WDR97: variants seen among roughly 807,000 people sequenced by gnomAD.
WDR97 encodes the protein WD repeat-containing protein 97.
Under a neutral mutation model 65.4 loss-of-function variants are expected in WDR97, and 111 were observed. The observed-to-expected ratio is 1.70, with a 90% CI of 1.45 to 1.99. The LOEUF (loss-of-function observed/expected upper bound fraction) is 1.99, where lower values mean the gene tolerates loss of function less well. Ranked by LOEUF, WDR97 falls within the 30% of genes most tolerant of loss-of-function variation. WDR97 has a pLI of 0.00. For missense variants in WDR97, 1,674 were observed against 865.0 expected, an observed-to-expected ratio of 1.94 and a Z score of -11.73; for synonymous variants, 802 against 397.7, an observed-to-expected ratio of 2.02 and a Z score of -12.10.
At position 144,113,674 on chromosome 8, in the gene WDR97, T is replaced by A; in HGVS notation, c.3201T>A (p.Asp1067Glu). 1 of 662,846 alleles carries A rather than the reference T, an allele frequency of 1.5e-6. No homozygotes were observed. The highest frequency in any genetic ancestry group is 2.7e-5 in the East Asian group (1 of 36,750). 41.1% of individuals were successfully genotyped at this position (662,846 alleles called of 1,614,324 possible). A position where few individuals can be genotyped will look rare whatever the true frequency, so the allele number is the denominator to read the frequency against. The change falls in exon 17 of 24, where the codon GAT becomes GAA. Residue 1067 changes from aspartate (D) to glutamate (E), a missense_variant. By Grantham distance (45) the Asp-to-Glu change is conservative (BLOSUM62 2). Coordinates refer to ENST00000323662, the MANE Select transcript of WDR97 (RefSeq NM_001316309.2). ...CTCTGCAGCCAGGGGCAAGCCAGGA[T>A]GCCCTGTGGTTGTGGCGCCCCAGGC... The part of the protein sequence containing the change: ...WLNAEPGASQ[D>E]ALWLWRPRPS...
Position 144,108,068 on chromosome 8 carries a change from T to G in WDR97, c.122T>G (p.Phe41Cys). ...CAGTTCCTGCCCGCAGAGTTGACTTTCACGGAGCCGTCGCAGGTCCTGCCC... is the reference window on the plus strand; with the variant it reads ...CAGTTCCTGCCCGCAGAGTTGACTTGCACGGAGCCGTCGCAGGTCCTGCCC... ...GLLTEKNELT[F>C]TEPSQVLPFL... The change falls in exon 2 of 24, where the codon TTC becomes TGC. Residue 41 changes from phenylalanine to cysteine, a missense_variant. Transcript: ENST00000323662. 1.4e-6 allele frequency: 1 copy of G among 702,762 alleles called. No individual in the cohort carries two copies. Among genetic ancestry groups the G allele is most frequent in the Non-Finnish European group, 2.6e-6 (1 of 385,002 alleles). 43.5% of individuals were successfully genotyped at this position (702,762 alleles called of 1,614,324 possible).
Position 144,109,632 on chromosome 8 carries a change from C to T in WDR97, c.1298C>T (p.Ala433Val). 1.0e-5 allele frequency: 7 copies of T among 679,192 alleles called. No homozygotes were observed. Among genetic ancestry groups the T allele is most frequent in the Non-Finnish European group, 1.6e-5 (6 of 374,934 alleles). 42.1% of individuals were successfully genotyped at this position (679,192 alleles called of 1,614,324 possible). A position where few individuals can be genotyped will look rare whatever the true frequency, so the allele number is the denominator to read the frequency against. Reference protein sequence around the residue: ...AKVLHVQVAPALPAPAHQSLP... With the variant: ...AKVLHVQVAPVLPAPAHQSLP... ...GTGCTCCACGTGCAGGTGGCGCCCG[C>T]GTTGCCCGCGCCTGCGCACCAGTCG... is the stretch of plus-strand genomic sequence containing the variant. Residue 433 changes from alanine to valine, a missense_variant, in exon 5 of 24, where the codon GCG (alanine) becomes GTG (valine). Physicochemically the swap from Ala to Val is moderately conservative, Grantham distance 64. Transcript: ENST00000323662.
intron 15 of WDR97, chr8:144,112,982 C>T: frequency 3.3e-6 from 1 of 299,926 alleles, no homozygotes. Flanking sequence ...GGCCTCAGCC[C>T]CTCCCCCAGC....
At chr8:144,112,718 C>A in intron 15 of WDR97, 188 bp downstream of exon 15, 1 of 606,904 alleles carries the variant, frequency 1.6e-6, no homozygotes, top group Admixed American at 2.8e-5. Context: ...CTCTGTCTAG[C>A]CCTGTTCCAG....
Position 144,115,284 on chromosome 8 carries a change from T to C in WDR97, c.4078-57T>C. On this transcript the variant is annotated intron_variant, in intron 21 of 23. Transcript: ENST00000323662. Reference sequence around the variant, plus strand: ...CTCGCAGCCACTGTCTGCAGCCAAGTTGCTGGTGGTGCTGCCCAAGGTCTC... The same window carrying C: ...CTCGCAGCCACTGTCTGCAGCCAAGCTGCTGGTGGTGCTGCCCAAGGTCTC... 4 of 572,392 alleles carry C rather than the reference T, an allele frequency of 7.0e-6. No individual in the cohort carries two copies. The South Asian group carries it at 9.0e-5, about 13-fold the overall frequency. 35.5% of individuals were successfully genotyped at this position (572,392 alleles called of 1,614,324 possible).
Position 144,113,829 on chromosome 8 carries a change from C to T in WDR97, c.3356C>T (p.Ser1119Phe). ...GAGGAGCTGGACTGGGCCTTGGCTT[C>T]CCTGAGCCCGCACTCCAACCAGCAG... ...EDEELDWALA[S>F]LSPHSNQQLD... The change falls in exon 17 of 24, where the codon TCC becomes TTC. Residue 1119 changes from serine to phenylalanine, a missense_variant. Ser to Phe is a radical substitution (Grantham distance 155). Coordinates refer to ENST00000323662, the MANE Select transcript of WDR97 (RefSeq NM_001316309.2). The T allele has an allele frequency of 1.4e-6, 1 of 701,348 alleles. No individual in the cohort carries two copies. The highest frequency in any genetic ancestry group is 2.6e-6 in the Non-Finnish European group (1 of 384,004). 43.4% of individuals were successfully genotyped at this position (701,348 alleles called of 1,614,324 possible).
rs1047607867 is a variant in WDR97, at chr8:144,116,315, G to A, written c.*22G>A. The A allele has an allele frequency of 5.0e-6, 3 of 598,228 alleles. No homozygotes were observed. The highest frequency in any genetic ancestry group is 9.0e-6 in the Non-Finnish European group (3 of 333,000). The allele number at this position is 598,228 out of a possible 1,614,324, so 37.1% of individuals were successfully genotyped here. ...CTGACCGGACTGGTGGCCTCAGCCCGCCTGGCTCTGGGGCCTGTCATTGGT... is the reference window on the plus strand; with the variant it reads ...CTGACCGGACTGGTGGCCTCAGCCCACCTGGCTCTGGGGCCTGTCATTGGT... On this transcript the variant is annotated 3_prime_UTR_variant, in exon 24 of 24. Coordinates refer to ENST00000323662, the MANE Select transcript of WDR97 (RefSeq NM_001316309.2).
Position 144,110,905 on chromosome 8 carries a change from G to A in WDR97, c.2213G>A (p.Cys738Tyr). ...LNGAPQALAF[C>Y]SNSGDLVLAL... ...GGTGCCCCTCAGGCCCTGGCTTTCT[G>A]CAGCAACAGTGGAGACCTGGTGCTG... The change falls in exon 9 of 24, where the codon TGC becomes TAC. Residue 738 changes from cysteine to tyrosine, a missense_variant. Coordinates refer to ENST00000323662, the MANE Select transcript of WDR97 (RefSeq NM_001316309.2). 1 of 702,872 alleles carries A rather than the reference G, an allele frequency of 1.4e-6. No homozygotes were observed. The highest frequency in any genetic ancestry group is 2.6e-6 in the Non-Finnish European group (1 of 384,982). The allele number at this position is 702,872 out of a possible 1,614,324, so 43.5% of individuals were successfully genotyped here.
intron 23 of WDR97, 25 bp downstream of exon 23, chr8:144,116,038 T>C (rs1385519803): frequency 1.4e-6 from 1 of 699,290 alleles, no homozygotes; most frequent in Non-Finnish European, 2.6e-6. Context: ...GGGTGGAGAC[T>C]GGACCCCACC....
At position 144,115,636 on chromosome 8, in the gene WDR97, C is replaced by A. The variant is rs947263132; in HGVS notation, c.4373C>A (p.Pro1458His). The A allele has an allele frequency of 8.7e-6, 6 of 690,942 alleles. No homozygotes were observed. Among genetic ancestry groups the A allele is most frequent in the Middle Eastern group, 2.6e-4 (1 of 3,812 alleles). The allele number at this position is 690,942 out of a possible 1,614,324, so 42.8% of individuals were successfully genotyped here. ...GAGGCCCGCCTGCACCCTGCCGGGC[C>A]TGCTCAGCTGCCCGGAGAGCCGCCG... ...EPEARLHPAG[P>H]AQLPGEPPPL... Residue 1458 changes from proline (P) to histidine (H), a missense_variant, in exon 22 of 24, where the codon CCT becomes CAT. Coordinates refer to ENST00000323662, the MANE Select transcript of WDR97 (RefSeq NM_001316309.2).
intron 4 of WDR97, 22 bp from the exon 5 acceptor site, chr8:144,109,313 G>A (rs979771817): frequency 1.3e-5 from 9 of 700,952 alleles, no homozygotes; most frequent in Non-Finnish European, 2.1e-5. Context: ...AGTCGGCCGA[G>A]TGACCTGCAC....
At position 144,108,357 on chromosome 8, in the gene WDR97, G is replaced by A. The variant is rs1487838132; in HGVS notation, c.291G>A (p.Gly97=). The A allele has an allele frequency of 2.9e-6, 2 of 697,256 alleles. No individual in the cohort carries two copies. Among genetic ancestry groups the A allele is most frequent in the Admixed American group, 2.1e-5 (1 of 48,110 alleles). 43.2% of individuals were successfully genotyped at this position (697,256 alleles called of 1,614,324 possible). Residue 97 remains glycine, a synonymous_variant, in exon 3 of 24, where the codon GGG becomes GGA. Coordinates refer to ENST00000323662, the MANE Select transcript of WDR97 (RefSeq NM_001316309.2). ...TGCGCGCGGCGCGCCTGACGCATGG[G>A]CTGGAACCACTGCGCCGCCTGGAGG... is the stretch of plus-strand genomic sequence containing the variant. ...AELRAARLTH[G]LEPLRRLEVA...
At position 144,111,782 on chromosome 8, in the gene WDR97, G is replaced by T; in HGVS notation, c.2637+1G>T. The T allele has an allele frequency of 1.5e-6, 1 of 686,004 alleles. No individual in the cohort carries two copies. Among genetic ancestry groups the T allele is most frequent in the African/African-American group, 1.8e-5 (1 of 56,954 alleles). The allele number at this position is 686,004 out of a possible 1,614,324, so 42.5% of individuals were successfully genotyped here. On this transcript the variant is annotated splice_donor_variant, in intron 12 of 23. Transcript: ENST00000323662. LOFTEE classifies it high-confidence loss of function. ...TCTGATCTACGGCTCTGGCCTGCTG[G>T]TAGGTGTAGGGCCTCCCCCAGCCCA...
In WDR97 at chr8:144,109,768, A is replaced by G. The variant is rs1380305971; in HGVS notation, c.1434A>G (p.Ala478=). The G allele has an allele frequency of 4.4e-6, 3 of 675,180 alleles. No homozygotes were observed. In the Admixed American group the frequency reaches 6.5e-5, roughly 15 times the overall value. 41.8% of individuals were successfully genotyped at this position (675,180 alleles called of 1,614,324 possible). The change falls in exon 5 of 24, where the codon GCA becomes GCG. Residue 478 remains alanine, a synonymous_variant. Transcript: ENST00000323662. ...SLLLEPEDCA[A]AVAYCLPREA... Reference sequence around the variant, plus strand: ...TGCTGGAGCCGGAGGACTGCGCGGCAGCCGTGGCCTACTGCCTGCCGCGCG... The same window carrying G: ...TGCTGGAGCCGGAGGACTGCGCGGCGGCCGTGGCCTACTGCCTGCCGCGCG...
In WDR97 at chr8:144,108,727, G is replaced by C. The variant is rs867733273; in HGVS notation, c.661G>C (p.Ala221Pro). 1.4e-6 allele frequency: 1 copy of C among 701,286 alleles called. No individual in the cohort carries two copies. The allele number at this position is 701,286 out of a possible 1,614,324, so 43.4% of individuals were successfully genotyped here. The change falls in exon 3 of 24, where the codon GCG becomes CCG. Residue 221 changes from alanine (A) to proline (P), a missense_variant. Ala to Pro is a conservative substitution (Grantham distance 27). Transcript: ENST00000323662. ...CGTTGCGGAGATGAACAGCAGCCTGGCGCTCTGGCAGTTCCGTTCAGGTGG... is the reference window on the plus strand; with the variant it reads ...CGTTGCGGAGATGAACAGCAGCCTGCCGCTCTGGCAGTTCCGTTCAGGTGG... ...LLVAEMNSSLALWQFRSGGRR... is the reference protein window; with the variant it reads ...LLVAEMNSSLPLWQFRSGGRR...
In WDR97 at chr8:144,110,044, G is replaced by T; in HGVS notation, c.1700+10G>T. ...GGAAGAACAAGAACCGGTGGGTGCG[G>T]GAGCCGGCGAGGGTCTGGCGGGCGG... On this transcript the variant is annotated intron_variant, in intron 5 of 23. Coordinates refer to ENST00000323662, the MANE Select transcript of WDR97 (RefSeq NM_001316309.2). 2 of 696,572 alleles carry T rather than the reference G, an allele frequency of 2.9e-6. No homozygotes were observed. The highest frequency in any genetic ancestry group is 5.3e-6 in the Non-Finnish European group (2 of 380,606). The allele number at this position is 696,572 out of a possible 1,614,324, so 43.1% of individuals were successfully genotyped here. A position where few individuals can be genotyped will look rare whatever the true frequency, so the allele number is the denominator to read the frequency against.
intron 15 of WDR97, chr8:144,112,915 C>T (rs1836578246): frequency 3.2e-6 from 1 of 314,436 alleles, no homozygotes; most frequent in South Asian, 5.8e-5. Flanking sequence ...GTCAAGGGAA[C>T]CTGGCCCTTT....
In WDR97 at chr8:144,113,673, A is replaced by T. The variant is rs182327085; in HGVS notation, c.3200A>T (p.Asp1067Val). Residue 1067 changes from aspartate to valine, a missense_variant, in exon 17 of 24, where the codon GAT becomes GTT. Coordinates refer to ENST00000323662, the MANE Select transcript of WDR97 (RefSeq NM_001316309.2). ...WLNAEPGASQ[D>V]ALWLWRPRPS... ...CCTCTGCAGCCAGGGGCAAGCCAGG[A>T]TGCCCTGTGGTTGTGGCGCCCCAGG... 1 of 662,610 alleles carries T rather than the reference A, an allele frequency of 1.5e-6. No individual in the cohort carries two copies. Among genetic ancestry groups the T allele is most frequent in the South Asian group, 1.6e-5 (1 of 61,322 alleles). The allele number at this position is 662,610 out of a possible 1,614,324, so 41.0% of individuals were successfully genotyped here.
intron 21 of WDR97, 107 bp downstream of exon 21, chr8:144,115,018 C>T (rs922630729): frequency 3.3e-6 from 2 of 609,366 alleles, no homozygotes; most frequent in Non-Finnish European, 5.8e-6. Flanking sequence ...CCTTCCTTGC[C>T]TTGCCCAGTC....
Sources: gnomAD v4.1 joint callset for allele counts on GRCh38, gnomAD v4.1.1 for gene constraint, MANE v1.5 for transcripts, NCBI Gene and HGNC (gene_info 2026-07-23, HGNC 2026-07-21) for gene names.